Variants in PTPN12 observed in about 807,000 individuals in gnomAD.
PTPN12 encodes the protein protein tyrosine phosphatase non-receptor type 12.
PTPN12 carries 29 observed loss-of-function variants against 97.6 expected under a neutral mutation model. The observed-to-expected ratio is 0.30, with a 90% CI of 0.22 to 0.41. The LOEUF is 0.41. PTPN12 is among the 10% of genes least tolerant of loss of function. The pLI, the probability that PTPN12 is intolerant of heterozygous loss-of-function variation, is 1.00. For synonymous variants in PTPN12, 327 were observed against 300.4 expected (o/e 1.09, Z -0.91); for missense variants, 819 against 926.0 (o/e 0.88, Z 1.50).
intron 1 of PTPN12, among the ~76,000 whole-genome samples, chr7:77,559,955 A>G (rs1807923485): frequency 6.6e-6 from 1 of 152,234 alleles, no homozygotes; most frequent in Non-Finnish European, 1.5e-5. Context: ...AATGACAAGT[A>G]CTATATGACT....
At chr7:77,627,743 C>T (rs1325258265) in intron 13 of PTPN12, 68 bp downstream of exon 13, 6 of 1,393,938 alleles carry the variant, frequency 4.3e-6, no homozygotes, top group Non-Finnish European at 5.7e-6. Context: ...AGCACTTTAG[C>T]TGTATTGATT....
At chr7:77,592,601 C>G (rs1787902821) in intron 6 of PTPN12, among the ~76,000 whole-genome samples, 1 of 152,110 alleles carries the variant, frequency 6.6e-6, no homozygotes, top group South Asian at 2.1e-4. Flanking sequence ...GACTTGGTAA[C>G]TGGAGTACAG....
At chr7:77,573,082 C>CA (rs1219989240) in intron 2 of PTPN12, among the ~76,000 whole-genome samples, 552 of 36,338 alleles carry the variant, frequency 0.015, 98 homozygotes, top group Middle Eastern at 0.043. Context: ...GACTCTATCT[C>CA]AAAAAAAAAA....
At position 77,637,814 on chromosome 7, in the gene PTPN12, G is replaced by A. The variant is rs571796047; in HGVS notation, c.2173+766G>A. 1.3e-3 allele frequency among the ~76,000 whole-genome samples: 161 copies of A among 121,448 alleles called. 2 individuals carry two copies. Among genetic ancestry groups the A allele is most frequent in the African/African-American group, 4.6e-3 (139 of 30,472 alleles). 79.7% of individuals were successfully genotyped at this position (121,448 alleles called of 152,430 possible). A position where few individuals can be genotyped will look rare whatever the true frequency, so the allele number is the denominator to read the frequency against. On this transcript the variant is annotated intron_variant, in intron 16 of 17. Transcript: ENST00000248594. ...AGAGGTTGCAGTGCGCCGAGATTGC[G>A]CCATTGCACTCCAACCCGGGCAACA...
rs576926315 is a variant in PTPN12 at position 77,622,376 on chromosome 7, A to G, written c.1025+3811A>G. 2.0e-5 allele frequency among the ~76,000 whole-genome samples: 3 copies of G among 152,334 alleles called. No individual in the cohort carries two copies. The South Asian group carries it at 6.2e-4, about 32-fold the overall frequency. Reference sequence around the variant, plus strand: ...GACAATACAGAGTAAAATGAAAAAGATGGGGGAAAAAAGAAACAACAGTCC... The same window carrying G: ...GACAATACAGAGTAAAATGAAAAAGGTGGGGGAAAAAAGAAACAACAGTCC... On this transcript the variant is annotated intron_variant, in intron 12 of 17. Transcript: ENST00000248594.
chr7:77,609,085 T>C (rs1318872819), intron 9 of PTPN12, among the ~76,000 whole-genome samples: 4 of 151,996 alleles, frequency 2.6e-5, no homozygotes, highest in African/African-American at 9.7e-5. Flanking sequence ...CCAGGCGTGG[T>C]GGCCGGCGCC....
intron 1 of PTPN12, among the ~76,000 whole-genome samples, chr7:77,569,663 C>T (rs1808394532): frequency 6.6e-6 from 1 of 152,114 alleles, no homozygotes; most frequent in Non-Finnish European, 1.5e-5. Context: ...TCCAGCTACT[C>T]AGGAGGCTGA....
intron 1 of PTPN12, among the ~76,000 whole-genome samples, chr7:77,567,225 A>C (rs1024161525): frequency 4.6e-5 from 7 of 151,754 alleles, no homozygotes; most frequent in Admixed American, 4.6e-4. Context: ...CTCTAGGCCA[A>C]ATCAGATCTT....
At chr7:77,595,304 T>C (rs1046214273) in intron 6 of PTPN12, among the ~76,000 whole-genome samples, 2 of 152,200 alleles carry the variant, frequency 1.3e-5, no homozygotes. Context: ...AATTTATAAA[T>C]AGCATGTTGG....
At chr7:77,619,243 C>A (rs528823712) in intron 12 of PTPN12, among the ~76,000 whole-genome samples, 308 of 152,224 alleles carry the variant, frequency 2.0e-3, no homozygotes, top group African/African-American at 6.8e-3. Context: ...GTCTTTCTTG[C>A]ACATAGATCT....
chr7:77,627,561 A>G lies in PTPN12; in HGVS notation c.1882A>G (p.Ser628Gly), dbSNP rs1360272472. Residue 628 changes from serine to glycine, a missense_variant, in exon 13 of 18, where the codon AGT (serine) becomes GGT (glycine). By Grantham distance (56) the Ser-to-Gly change is moderately conservative. Around this residue, in one of 5 missense-constraint regions of PTPN12, gnomAD observed 607 missense variants for 577.3 expected, o/e 1.05. Transcript: ENST00000248594. ...GAATAAAACTAATATTTCAACAGCA[A>G]GTGCCACAGTTTCTGCTGCCACTAG... ...TQNKTNISTASATVSAATSTE... is the reference protein window; with the variant it reads ...TQNKTNISTAGATVSAATSTE... 3 of 1,614,022 alleles carry G rather than the reference A, an allele frequency of 1.9e-6. No individual in the cohort carries two copies. The highest frequency in any genetic ancestry group is 2.5e-6 in the Non-Finnish European group (3 of 1,180,024).
chr7:77,638,472 G>A, intron 16 of PTPN12, 152 bp from the exon 17 acceptor site: 1 of 1,207,128 alleles, frequency 8.3e-7, no homozygotes, highest in Non-Finnish European at 1.1e-6. Flanking sequence ...CACTACACTT[G>A]TATTTATATT....
intron 1 of PTPN12, among the ~76,000 whole-genome samples, chr7:77,567,454 G>A (rs896602138): frequency 6.6e-6 from 1 of 152,174 alleles, no homozygotes; most frequent in African/African-American, 2.4e-5. Flanking sequence ...AGCTTTGGAG[G>A]TGTGCAAGTG....
chr7:77,619,131 T>C (rs1788849393), intron 12 of PTPN12, among the ~76,000 whole-genome samples: 1 of 152,208 alleles, frequency 6.6e-6, no homozygotes, highest in African/African-American at 2.4e-5. Context: ...TTTAGCCATT[T>C]AGCTCTGGGA....
chr7:77,576,105 C>T (rs947732594), intron 2 of PTPN12, among the ~76,000 whole-genome samples: 9 of 152,152 alleles, frequency 5.9e-5, no homozygotes, highest in Non-Finnish European at 1.2e-4. Context: ...CCGCCTGCCT[C>T]GGCCTCCCAA....
At chr7:77,560,967 C>T (rs989847147) in intron 1 of PTPN12, among the ~76,000 whole-genome samples, 11 of 152,192 alleles carry the variant, frequency 7.2e-5, no homozygotes, top group Non-Finnish European at 1.3e-4. Context: ...TTTTGAGGAA[C>T]CACCGTACTG....
At chr7:77,633,234 C>T (rs1789466445) in intron 14 of PTPN12, among the ~76,000 whole-genome samples, 1 of 151,710 alleles carries the variant, frequency 6.6e-6, no homozygotes, top group African/African-American at 2.4e-5. Context: ...CACACTATTG[C>T]ACTCCAACCT....
chr7:77,609,641 G>A (rs1316908757), intron 9 of PTPN12, among the ~76,000 whole-genome samples: 5 of 151,816 alleles, frequency 3.3e-5, no homozygotes, highest in Admixed American at 1.3e-4. Flanking sequence ...AGCACTTCGG[G>A]AAGCCGAGGC....
intron 5 of PTPN12, among the ~76,000 whole-genome samples, chr7:77,591,360 C>G (rs1293441690): frequency 6.6e-6 from 1 of 152,198 alleles, no homozygotes; most frequent in African/African-American, 2.4e-5. Context: ...CAAATTGCAT[C>G]ATTTCTTAAT....
Sources: gnomAD v4.1 joint callset for allele counts (sites outside exome capture counted in the v4.1 genomes callset) on GRCh38, gnomAD v4.1.1 for gene constraint, gnomAD v4.1.1 regional missense constraint, MANE v1.5 for transcripts, NCBI Gene and HGNC (gene_info 2026-07-23, HGNC 2026-07-21) for gene names.